UTRN: variants seen among roughly 807,000 people sequenced by gnomAD.
The protein encoded by UTRN is dystrophin-related protein 1.
A neutral mutation model predicts 463.9 loss-of-function variants in UTRN; 283 were observed. The observed-to-expected ratio is 0.61, with a 90% CI of 0.55 to 0.67. UTRN has a LOEUF of 0.67. Ranked by LOEUF, UTRN falls within the 30% of genes least tolerant of loss-of-function variation. The pLI, the probability that UTRN is intolerant of heterozygous loss-of-function variation, is 0.00. For missense variants in UTRN, 3,922 were observed against 4,084.3 expected, an observed-to-expected ratio of 0.96 and a Z score of 1.08; for synonymous variants, 1,442 against 1,431.5, an observed-to-expected ratio of 1.01 and a Z score of -0.17.
intron 2 of UTRN, among the ~76,000 whole-genome samples, chr6:144,322,771 G>T (rs1022534877): frequency 6.6e-6 from 1 of 152,024 alleles, no homozygotes; most frequent in Non-Finnish European, 1.5e-5. Context: ...GTGAAACCCC[G>T]TCTCTACTAA....
chr6:144,554,515 A>G (rs944315253), intron 48 of UTRN, among the ~76,000 whole-genome samples, 173 bp from the exon 49 acceptor site: 8 of 152,254 alleles, frequency 5.3e-5, no homozygotes, highest in African/African-American at 1.9e-4. Flanking sequence ...TTTCAGAAAT[A>G]TATCAATTGT....
intron 34 of UTRN, among the ~76,000 whole-genome samples, chr6:144,509,461 T>C (rs1476198447): frequency 6.6e-6 from 1 of 151,992 alleles, no homozygotes; most frequent in Non-Finnish European, 1.5e-5. Flanking sequence ...CAATGAAAAA[T>C]TTGTTTCTTT....
At chr6:144,835,962 A>AAT in intron 70 of UTRN, 24 bp downstream of exon 70, 1 of 1,610,116 alleles carries the variant, frequency 6.2e-7, no homozygotes, top group Non-Finnish European at 8.5e-7. Flanking sequence ...GGGAGAAGGA[A>AAT]ATATGTCATC....
At chr6:144,478,450 A>G (rs546687138) in intron 25 of UTRN, among the ~76,000 whole-genome samples, 1 of 152,272 alleles carries the variant, frequency 6.6e-6, no homozygotes, top group East Asian at 1.9e-4. Context: ...GTGTGCATGT[A>G]TTTTTATGAA....
At chr6:144,430,943 A>G (rs904918086) in intron 9 of UTRN, among the ~76,000 whole-genome samples, 4 of 152,168 alleles carry the variant, frequency 2.6e-5, no homozygotes, top group African/African-American at 9.6e-5. Flanking sequence ...AAAAAAATTT[A>G]CTGAAAAGAA....
chr6:144,364,038 A>T (rs1030572173), intron 2 of UTRN, among the ~76,000 whole-genome samples: 2 of 152,150 alleles, frequency 1.3e-5, no homozygotes, highest in African/African-American at 2.4e-5. Context: ...ATAGTATGGG[A>T]GGTTATTGTA....
intron 2 of UTRN, among the ~76,000 whole-genome samples, chr6:144,394,651 A>G (rs1782238098): frequency 6.6e-6 from 1 of 152,104 alleles, no homozygotes; most frequent in Admixed American, 6.6e-5. Flanking sequence ...TCTATAGAAA[A>G]CATAGCATTC....
intron 10 of UTRN, 96 bp downstream of exon 10, chr6:144,436,234 G>A: frequency 3.9e-6 from 5 of 1,280,390 alleles, no homozygotes; most frequent in African/African-American, 1.5e-5. Flanking sequence ...ACTGAATTCT[G>A]TTCTTTGGAA....
chr6:144,669,226 G>A (rs891351922), intron 51 of UTRN, among the ~76,000 whole-genome samples: 4 of 152,102 alleles, frequency 2.6e-5, no homozygotes, highest in African/African-American at 9.7e-5. Context: ...TCTTAAATTT[G>A]TTAGATTTAT....
At chr6:144,328,928 T>A (rs916587413) in intron 2 of UTRN, among the ~76,000 whole-genome samples, 1 of 150,502 alleles carries the variant, frequency 6.6e-6, no homozygotes, top group Non-Finnish European at 1.5e-5. Context: ...GGATTACAGT[T>A]GCAAGCCACT....
chr6:144,607,778 T>C (rs544240677), intron 51 of UTRN, among the ~76,000 whole-genome samples: 1 of 152,354 alleles, frequency 6.6e-6, no homozygotes, highest in African/African-American at 2.4e-5. Flanking sequence ...CCCATGAATC[T>C]GTATAACTTA....
Position 144,771,916 on chromosome 6 carries a change from A to C in UTRN, c.8505A>C (p.Thr2835=), listed in dbSNP as rs80110270. 6.3e-7 allele frequency: 1 copy of C among 1,589,682 alleles called. No individual in the cohort carries two copies. The highest frequency in any genetic ancestry group is 1.4e-5 in the African/African-American group (1 of 73,190). ...NKVPYYINHQ[T]QTTCWDHPKM... is the part of the protein sequence containing the mutation. ...TACCTTTTTTTTCCAGCCATCAAAC[A>C]CAGACCACCTGTTGGGACCATCCTA... Residue 2835 remains threonine (T), a synonymous_variant, in exon 59 of 75, where the codon ACA becomes ACC. Transcript: ENST00000367545.
chr6:144,794,283 C>T lies in UTRN; in HGVS notation c.9078+292C>T, dbSNP rs57793865. Among the ~76,000 whole-genome samples the T allele has an allele frequency of 0.16, 23,755 of 152,108 alleles. 2,174 individuals carry two copies. Among genetic ancestry groups the T allele is most frequent in the South Asian group, 0.26 (1,256 of 4,816 alleles). On this transcript the variant is annotated intron_variant, in intron 63 of 74. Coordinates refer to ENST00000367545, the MANE Select transcript of UTRN (RefSeq NM_007124.3). ...TCATCTCCTACCATTCCTCTCCTTG[C>T]TCTCCGCTTTCCAGCTGCACTGTTT...
intron 51 of UTRN, among the ~76,000 whole-genome samples, chr6:144,639,796 G>A (rs184154506): frequency 1.3e-5 from 2 of 152,220 alleles, no homozygotes; most frequent in East Asian, 3.9e-4. Context: ...CCATGTTGCT[G>A]TGGGAGTTTC....
At chr6:144,798,433 G>A (rs139477964) in intron 64 of UTRN, among the ~76,000 whole-genome samples, 1 of 152,286 alleles carries the variant, frequency 6.6e-6, no homozygotes, top group African/African-American at 2.4e-5. Flanking sequence ...AGTTTGATGT[G>A]AAGTACATTA....
intron 2 of UTRN, among the ~76,000 whole-genome samples, chr6:144,399,197 T>A (rs942831628): frequency 7.9e-5 from 12 of 152,194 alleles, no homozygotes; most frequent in African/African-American, 2.9e-4. Flanking sequence ...CAGATTATTA[T>A]ATAATATTTA....
intron 51 of UTRN, among the ~76,000 whole-genome samples, chr6:144,656,470 G>A (rs1422916966): frequency 6.6e-6 from 1 of 152,186 alleles, no homozygotes; most frequent in Non-Finnish European, 1.5e-5. Flanking sequence ...GGAGCGCAGT[G>A]GCACGATCTC....
chr6:144,591,866 AATG>A (rs973447971), intron 51 of UTRN, among the ~76,000 whole-genome samples: 3 of 152,140 alleles, frequency 2.0e-5, no homozygotes, highest in African/African-American at 7.2e-5. Context: ...CTTCAGGGTA[AATG>A]TTGCAAGAGT....
chr6:144,768,287 T>A (rs1793585012), intron 58 of UTRN, among the ~76,000 whole-genome samples: 1 of 152,174 alleles, frequency 6.6e-6, no homozygotes, highest in Non-Finnish European at 1.5e-5. Context: ...TACTACTTCT[T>A]AACCTTATTG....
Sources: allele counts gnomAD v4.1 joint callset (sites outside exome capture counted in the v4.1 genomes callset), GRCh38; gene constraint gnomAD v4.1.1; transcripts MANE v1.5; gene names NCBI Gene and HGNC (gene_info 2026-07-23, HGNC 2026-07-21).